COL5A3: variants seen among roughly 807,000 people sequenced by gnomAD.
COL5A3 encodes the protein collagen alpha-3(V) chain.
COL5A3 carries 172 observed loss-of-function variants against 250.0 expected under a neutral mutation model. That is an observed-to-expected ratio of 0.69 (90% confidence interval 0.61 to 0.78). The LOEUF (loss-of-function observed/expected upper bound fraction) is 0.78, where lower values mean the gene tolerates loss of function less well. Ranked by LOEUF, COL5A3 falls within the 30% of genes least tolerant of loss-of-function variation. COL5A3 has a pLI of 0.00. For synonymous variants in COL5A3, 937 were observed against 900.4 expected, an observed-to-expected ratio of 1.04 and a Z score of -0.73; for missense variants, 2,340 against 2,334.4, an observed-to-expected ratio of 1.00 and a Z score of -0.05.
At chr19:9,988,257 TA>T (rs927070015) in intron 27 of COL5A3, among the ~76,000 whole-genome samples, 6 of 151,916 alleles carry the variant, frequency 3.9e-5, no homozygotes, top group Admixed American at 2.6e-4. Context: ...AAAAAAAGAT[TA>T]AAAATGTAAT....
At chr19:9,979,098 G>A (rs775237971) in intron 39 of COL5A3, 34 bp downstream of exon 39, 1 of 1,512,308 alleles carries the variant, frequency 6.6e-7, no homozygotes, top group Non-Finnish European at 8.9e-7. Flanking sequence ...GATCTTGGAT[G>A]TTCAACCAAG....
intron 6 of COL5A3, among the ~76,000 whole-genome samples, chr19:10,003,350 AC>A (rs1448268798): frequency 1.3e-5 from 2 of 148,624 alleles, no homozygotes; most frequent in African/African-American, 2.5e-5. Context: ...GATGGGACCC[AC>A]CCCCACCCTG....
At chr19:9,990,797 T>C (rs1350195237) in intron 24 of COL5A3, among the ~76,000 whole-genome samples, 1 of 152,118 alleles carries the variant, frequency 6.6e-6, no homozygotes, top group Admixed American at 6.6e-5. Flanking sequence ...TCTCCTGACC[T>C]CGTGATCCCC....
intron 11 of COL5A3, 110 bp from the exon 12 acceptor site, chr19:9,996,799 T>C (rs1036099714): frequency 1.2e-5 from 9 of 721,724 alleles, no homozygotes; most frequent in Admixed American, 6.6e-5. Flanking sequence ...GAGGGAGAGA[T>C]GGAGAGAGAC....
chr19:10,001,778 G>C lies in COL5A3; in HGVS notation c.953C>G (p.Thr318Arg), dbSNP rs150865244. Residue 318 changes from threonine (T) to arginine (R), a missense_variant, in exon 7 of 67, where the codon ACG becomes AGG. Transcript: ENST00000264828. ...CCATCCCCATCCAACCTCTAGGATC[G>C]TGGCATTGAGTCCAGTAGTCACAGT... The part of the protein sequence containing the change: ...TSTVTTGLNA[T>R]ILERSLDPDS... 2 of 1,613,954 alleles carry C rather than the reference G, an allele frequency of 1.2e-6. No individual in the cohort carries two copies. The highest frequency in any genetic ancestry group is 1.6e-4 in the Middle Eastern group (1 of 6,062).
chr19:9,971,923 G>C lies in COL5A3; in HGVS notation c.3775-665C>G, dbSNP rs143233803. Among the ~76,000 whole-genome samples, 63 of 148,698 alleles carry C rather than the reference G, an allele frequency of 4.2e-4. 1 individual carries two copies. The East Asian group carries it at 0.012, about 28-fold the overall frequency. ...GATCTGCCATGAAATCAACTTTCTT[G>C]CCATTCAATGATGTATAACCACTGC... is the stretch of plus-strand genomic sequence containing the variant. On this transcript the variant is annotated intron_variant, in intron 51 of 66. Coordinates refer to ENST00000264828, the MANE Select transcript of COL5A3 (RefSeq NM_015719.4).
At chr19:9,988,332 A>G (rs2094299637) in intron 27 of COL5A3, among the ~76,000 whole-genome samples, 1 of 152,232 alleles carries the variant, frequency 6.6e-6, no homozygotes, top group African/African-American at 2.4e-5. Context: ...GCTACAGTAT[A>G]GCCAATTCCT....
At chr19:9,962,053 A>G (rs1599522596) in intron 65 of COL5A3, among the ~76,000 whole-genome samples, 1 of 152,292 alleles carries the variant, frequency 6.6e-6, no homozygotes, top group East Asian at 1.9e-4. Context: ...ATAAATGTAA[A>G]ATCTCCATCA....
intron 42 of COL5A3, 58 bp from the exon 43 acceptor site, chr19:9,977,530 T>C (rs1228144176): frequency 4.0e-6 from 6 of 1,512,058 alleles, no homozygotes; most frequent in Non-Finnish European, 5.3e-6. Flanking sequence ...AGGAGCCATG[T>C]CCTGGGATGT....
intron 6 of COL5A3, among the ~76,000 whole-genome samples, chr19:10,002,904 C>G (rs969413032): frequency 1.3e-5 from 2 of 152,086 alleles, no homozygotes; most frequent in East Asian, 3.9e-4. Context: ...CCCACTATGA[C>G]TTCCAGTCAG....
intron 54 of COL5A3, among the ~76,000 whole-genome samples, chr19:9,970,312 A>G (rs575609901): frequency 3.3e-3 from 79 of 23,796 alleles, no homozygotes; most frequent in African/African-American, 4.4e-3. Context: ...GGGTGAGTGG[A>G]ATCTGTGGGT....
chr19:9,976,865 C>T (rs925255051), intron 44 of COL5A3, among the ~76,000 whole-genome samples: 1 of 152,036 alleles, frequency 6.6e-6, no homozygotes, highest in Non-Finnish European at 1.5e-5. Flanking sequence ...ATGATGCAAG[C>T]CACTGGAGCT....
chr19:9,977,460 G>A lies in COL5A3; in HGVS notation c.3139C>T (p.Pro1047Ser), dbSNP rs766052242. Residue 1047 changes from proline to serine, a missense_variant, in exon 43 of 67, where the codon CCC (proline) becomes TCC (serine). Pro to Ser is a moderately conservative substitution (Grantham distance 74). Around this residue, in one of 3 missense-constraint regions of COL5A3, gnomAD observed 1,179 missense variants for 1,162.6 expected, o/e 1.01. Transcript: ENST00000264828. Reference sequence around the variant, plus strand: ...CCATCTTTGCCAGTGGGGCCAGGGGGGCCACGTTCTCCCTGTTGTGGGGAA... The same window carrying A: ...CCATCTTTGCCAGTGGGGCCAGGGGAGCCACGTTCTCCCTGTTGTGGGGAA... ...GKKGSRGERG[P>S]PGPTGKDGIP... 1.1e-5 allele frequency: 16 copies of A among 1,518,536 alleles called. No homozygotes were observed. The South Asian group carries it at 1.9e-4, about 18-fold the overall frequency. 94.1% of individuals were successfully genotyped at this position (1,518,536 alleles called of 1,614,324 possible).
chr19:10,008,365 C>T (rs2087472202), intron 1 of COL5A3, among the ~76,000 whole-genome samples: 1 of 151,862 alleles, frequency 6.6e-6, no homozygotes, highest in South Asian at 2.1e-4. Context: ...CAGAAACTGA[C>T]TGCCCTTTCT....
At chr19:9,969,311 C>G (rs985870713) in intron 57 of COL5A3, 38 bp downstream of exon 57, 1 of 1,558,014 alleles carries the variant, frequency 6.4e-7, no homozygotes, top group Non-Finnish European at 8.7e-7. Flanking sequence ...CAGAGTGGTC[C>G]TCAGAGCCAG....
At chr19:9,999,078 C>CT (rs1444482195) in intron 8 of COL5A3, among the ~76,000 whole-genome samples, 1 of 145,722 alleles carries the variant, frequency 6.9e-6, no homozygotes, top group Non-Finnish European at 1.5e-5. Flanking sequence ...TTTCTTTTTT[C>CT]TTTTTTTTCA....
chr19:9,963,541 G>A (rs2086698962), intron 64 of COL5A3, among the ~76,000 whole-genome samples: 1 of 114,000 alleles, frequency 8.8e-6, no homozygotes, highest in Non-Finnish European at 1.7e-5. Flanking sequence ...ATAGGAGTGT[G>A]CCACCATGCC....
At position 9,979,438 on chromosome 19, in the gene COL5A3, T is replaced by TGGG. The variant is rs778911419; in HGVS notation, c.2713-24_2713-22dup. ...AAGCCCTAGAGAGAAAAATTAAATG[T>TGGG]GGGGGCGGTGTTACATGGGGAAGGG... On this transcript the variant is annotated intron_variant, in intron 37 of 66. Coordinates refer to ENST00000264828, the MANE Select transcript of COL5A3 (RefSeq NM_015719.4). The TGGG allele has an allele frequency of 9.9e-6, 16 of 1,613,354 alleles. No individual in the cohort carries two copies. The Admixed American group carries it at 2.7e-4, about 27-fold the overall frequency.
rs111618913 is a variant in COL5A3, at chr19:9,982,932, T to A, written c.2407-814A>T. On this transcript the variant is annotated intron_variant, in intron 31 of 66. Coordinates refer to ENST00000264828, the MANE Select transcript of COL5A3 (RefSeq NM_015719.4). ...GTGCAGTGGTGCAATCATAGCTCACTGCAGCTTCAACCTTTTGGGCTCAAG... is the reference window on the plus strand; with the variant it reads ...GTGCAGTGGTGCAATCATAGCTCACAGCAGCTTCAACCTTTTGGGCTCAAG... Among the ~76,000 whole-genome samples, 444 of 152,254 alleles carry A rather than the reference T, an allele frequency of 2.9e-3. 1 individual carries two copies. The highest frequency in any genetic ancestry group is 1.0e-2 in the African/African-American group (414 of 41,570).
Sources: gnomAD v4.1 joint callset for allele counts (sites outside exome capture counted in the v4.1 genomes callset) on GRCh38, gnomAD v4.1.1 for gene constraint, gnomAD v4.1.1 regional missense constraint, MANE v1.5 for transcripts, NCBI Gene and HGNC (gene_info 2026-07-23, HGNC 2026-07-21) for gene names.